Variants in KIF5C observed in about 807,000 individuals in gnomAD.
KIF5C encodes the protein kinesin heavy chain isoform 5C.
KIF5C carries 18 observed loss-of-function variants against 125.2 expected under a neutral mutation model. The observed-to-expected ratio is 0.14, with a 90% CI of 0.10 to 0.21. The LOEUF is 0.21. Ranked by LOEUF, KIF5C falls within the 10% of genes least tolerant of loss-of-function variation. KIF5C has a pLI of 1.00. For synonymous variants in KIF5C, 405 were observed against 434.0 expected, an observed-to-expected ratio of 0.93 and a Z score of 0.83; for missense variants, 780 against 1,183.8, an observed-to-expected ratio of 0.66 and a Z score of 5.01.
intron 1 of KIF5C, among the ~76,000 whole-genome samples, chr2:148,896,006 T>C (rs1332698501): frequency 6.6e-6 from 1 of 152,158 alleles, no homozygotes; most frequent in Non-Finnish European, 1.5e-5. Context: ...TACAGTCACA[T>C]TGGGTGTTAG....
intron 16 of KIF5C, among the ~76,000 whole-genome samples, chr2:148,991,940 A>G (rs1227660477): frequency 6.6e-6 from 1 of 152,234 alleles, no homozygotes; most frequent in Non-Finnish European, 1.5e-5. Context: ...TTTCTGGGCT[A>G]CCACTGATAT....
chr2:148,980,315 C>T (rs1161099495), intron 13 of KIF5C, among the ~76,000 whole-genome samples: 1 of 152,162 alleles, frequency 6.6e-6, no homozygotes, highest in Non-Finnish European at 1.5e-5. Context: ...GTTTCACCCA[C>T]ATTGGCACAG....
At chr2:148,988,506 T>C (rs534591065) in intron 15 of KIF5C, among the ~76,000 whole-genome samples, 10 of 152,354 alleles carry the variant, frequency 6.6e-5, no homozygotes, top group African/African-American at 2.4e-4. Flanking sequence ...AGAAGAGGAA[T>C]TCATTCTCTT....
chr2:148,990,213 T>G (rs573863162), intron 15 of KIF5C, among the ~76,000 whole-genome samples: 1 of 152,374 alleles, frequency 6.6e-6, no homozygotes, highest in South Asian at 2.1e-4. Context: ...AACTTTTGTT[T>G]CAAGTAGAGC....
At chr2:148,959,606 T>G (rs760270576) in intron 10 of KIF5C, among the ~76,000 whole-genome samples, 5 of 152,188 alleles carry the variant, frequency 3.3e-5, no homozygotes, top group Non-Finnish European at 7.3e-5. Flanking sequence ...AGACACAGAT[T>G]CCCACTGTTA....
chr2:148,979,061 G>A, intron 13 of KIF5C, 71 bp downstream of exon 13: 1 of 1,417,394 alleles, frequency 7.1e-7, no homozygotes, highest in African/African-American at 1.5e-5. Context: ...GTTTGTTCCA[G>A]GAATTTAATT....
At chr2:148,971,568 A>G (rs939093822) in intron 11 of KIF5C, among the ~76,000 whole-genome samples, 1 of 152,226 alleles carries the variant, frequency 6.6e-6, no homozygotes, top group African/African-American at 2.4e-5. Flanking sequence ...TTTAAGGTCA[A>G]TAATTTTAGA....
intron 13 of KIF5C, among the ~76,000 whole-genome samples, chr2:148,979,568 T>G (rs1558929655): frequency 6.6e-6 from 1 of 152,204 alleles, no homozygotes; most frequent in African/African-American, 2.4e-5. Context: ...CCACTGCACC[T>G]GGCCTTGGGC....
intron 1 of KIF5C, among the ~76,000 whole-genome samples, chr2:148,882,017 G>T (rs1206406335): frequency 1.3e-5 from 2 of 152,062 alleles, no homozygotes; most frequent in African/African-American, 4.8e-5. Context: ...GGCTGAGAAA[G>T]CTCTCCCCAT....
At chr2:148,877,163 G>A (rs1265037888) in intron 1 of KIF5C, 2 of 152,272 alleles carry the variant, frequency 1.3e-5, no homozygotes, top group African/African-American at 4.8e-5. Context: ...GTACCGTAAG[G>A]CGGGAGCTCT....
intron 1 of KIF5C, among the ~76,000 whole-genome samples, chr2:148,899,351 G>C (rs1038268248): frequency 6.6e-6 from 1 of 152,118 alleles, no homozygotes; most frequent in Non-Finnish European, 1.5e-5. Context: ...GCAAATTAAA[G>C]AGATTTATTT....
At chr2:148,965,421 C>A (rs1410983966) in intron 11 of KIF5C, among the ~76,000 whole-genome samples, 2 of 152,130 alleles carry the variant, frequency 1.3e-5, no homozygotes, top group Non-Finnish European at 2.9e-5. Context: ...GCAGAACTCT[C>A]CTTTCCTCCC....
intron 8 of KIF5C, among the ~76,000 whole-genome samples, chr2:148,949,146 T>A (rs1359959500): frequency 6.6e-6 from 1 of 152,166 alleles, no homozygotes; most frequent in Non-Finnish European, 1.5e-5. Flanking sequence ...TAAACTGCCC[T>A]CTACCTAGAA....
chr2:148,947,802 A>G (rs1228768833), intron 8 of KIF5C: 7 of 440,218 alleles, frequency 1.6e-5, no homozygotes, highest in Non-Finnish European at 2.3e-5. Context: ...CCATGTGCAC[A>G]ATGCCCTCTG....
chr2:148,957,008 G>A (rs890317980), intron 10 of KIF5C, among the ~76,000 whole-genome samples: 4 of 152,226 alleles, frequency 2.6e-5, no homozygotes, highest in Non-Finnish European at 4.4e-5. Context: ...ATATCAAAGA[G>A]ATAATGTCCT....
At chr2:149,006,286 G>A (rs1259742910) in intron 22 of KIF5C, among the ~76,000 whole-genome samples, 1 of 152,178 alleles carries the variant, frequency 6.6e-6, no homozygotes, top group Non-Finnish European at 1.5e-5. Flanking sequence ...GATAGAGTCG[G>A]GTCTGAGAGG....
intron 15 of KIF5C, among the ~76,000 whole-genome samples, chr2:148,990,548 C>T (rs564985751): frequency 2.6e-5 from 4 of 152,310 alleles, no homozygotes; most frequent in African/African-American, 7.2e-5. Context: ...CAAGGCATTA[C>T]ACTACTTGTC....
intron 11 of KIF5C, among the ~76,000 whole-genome samples, chr2:148,964,041 C>T (rs114182510): frequency 0.011 from 1,734 of 152,174 alleles, 19 homozygotes; most frequent in Non-Finnish European, 0.019. Context: ...TTTGGGTGGC[C>T]GAGGTGGGCA....
chr2:148,983,471 T>G (rs1202680551), intron 14 of KIF5C, 149 bp from the exon 15 acceptor site: 2 of 1,091,706 alleles, frequency 1.8e-6, no homozygotes, highest in South Asian at 6.0e-5. Context: ...AAGAATGCAG[T>G]GCTATGCGAG....
Sources: gnomAD v4.1 joint callset for allele counts (sites outside exome capture counted in the v4.1 genomes callset) on GRCh38, gnomAD v4.1.1 for gene constraint, MANE v1.5 for transcripts, NCBI Gene and HGNC (gene_info 2026-07-23, HGNC 2026-07-21) for gene names.